Variants in CSNK1A1 observed in about 807,000 individuals in gnomAD.
CSNK1A1 encodes casein kinase I isoform alpha.
CSNK1A1 carries 7 observed loss-of-function variants against 46.1 expected under a neutral mutation model. The observed-to-expected ratio is 0.15, with a 90% CI of 0.09 to 0.29. CSNK1A1 has a LOEUF of 0.29. Among genes scored for constraint, CSNK1A1 ranks in the 10% least tolerant of loss-of-function variants. The pLI, the probability that CSNK1A1 is intolerant of heterozygous loss-of-function variation, is 1.00. For synonymous variants in CSNK1A1, 137 were observed against 141.5 expected, an observed-to-expected ratio of 0.97 and a Z score of 0.23; for missense variants, 96 against 417.1, an observed-to-expected ratio of 0.23 and a Z score of 6.71.
Position 149,494,115 on chromosome 5 carries a change from TTTTG to T in CSNK1A1, c.*2734_*2737del, listed in dbSNP as rs1356262951. 3 of 152,214 alleles carry T rather than the reference TTTTG, an allele frequency of 2.0e-5. No homozygotes were observed. Among genetic ancestry groups the T allele is most frequent in the African/African-American group, 7.2e-5 (3 of 41,440 alleles). The allele number at this position is 152,214 out of a possible 1,614,324, so 9.4% of individuals were successfully genotyped here. ...CTCATTGTCTTGGGTTCTAAAGTCC[TTTTG>T]TTTGATTATTTTTATTATAATGAAA... On this transcript the variant is annotated 3_prime_UTR_variant, in exon 10 of 10. Coordinates refer to ENST00000377843, the MANE Select transcript of CSNK1A1 (RefSeq NM_001892.6).
In CSNK1A1 at chr5:149,504,783, G is replaced by A. The variant is rs540484492; in HGVS notation, c.1006+664C>T. ...AAATCAAGCCAAAAACAAAGAAATC[G>A]TTTTGAAATTAAGATCATACGTAAA... is the stretch of plus-strand genomic sequence containing the variant. On this transcript the variant is annotated intron_variant, in intron 9 of 9. Transcript: ENST00000377843. The A allele has an allele frequency of 9.1e-6, 9 of 985,272 alleles. No individual in the cohort carries two copies. In the South Asian group the frequency reaches 2.3e-4, roughly 26 times the overall value. 61.0% of individuals were successfully genotyped at this position (985,272 alleles called of 1,614,324 possible). A position where few individuals can be genotyped will look rare whatever the true frequency, so the allele number is the denominator to read the frequency against.
At position 149,497,879 on chromosome 5, in the gene CSNK1A1, G is replaced by A. The variant is rs1760703469; in HGVS notation, c.1007-1019C>T. On this transcript the variant is annotated intron_variant, in intron 9 of 9. Coordinates refer to ENST00000377843, the MANE Select transcript of CSNK1A1 (RefSeq NM_001892.6). ...GAGACAGTCTCGCTCTGTCACCCAG[G>A]CTGGAGGGCAGTGGCATGATCTTGG... 5 of 957,262 alleles carry A rather than the reference G, an allele frequency of 5.2e-6. No individual in the cohort carries two copies. The South Asian group carries it at 2.4e-4, about 46-fold the overall frequency. The allele number at this position is 957,262 out of a possible 1,614,324, so 59.3% of individuals were successfully genotyped here. A position where few individuals can be genotyped will look rare whatever the true frequency, so the allele number is the denominator to read the frequency against.
chr5:149,517,854 CT>C lies in CSNK1A1; in HGVS notation c.456+2435del. On this transcript the variant is annotated intron_variant, in intron 4 of 9. Transcript: ENST00000377843. This position sits in a 1 kb window ranked among gnomAD's most constrained non-coding sequence, Gnocchi z 4.4. ...TACTAACAGTCATGCTTCTTTTCCT[CT>C]TCCCCACTGGAGATTCTAAACACTA... 6.2e-7 allele frequency: 1 copy of C among 1,603,398 alleles called. No individual in the cohort carries two copies. Among genetic ancestry groups the C allele is most frequent in the Non-Finnish European group, 8.5e-7 (1 of 1,174,106 alleles).
At chr5:149,549,405 C>T in intron 2 of CSNK1A1, 1 of 695,020 alleles carries the variant, frequency 1.4e-6, no homozygotes, top group Non-Finnish European at 2.6e-6. Flanking sequence ...GTCACATCTG[C>T]TGCAGAGATC....
intron 9 of CSNK1A1, chr5:149,503,173 T>A (rs1760926516): frequency 1.0e-6 from 1 of 985,320 alleles, no homozygotes. Context: ...GAGCAATTGT[T>A]TTCAAACTCC....
intron 9 of CSNK1A1, chr5:149,503,549 G>A: frequency 9.1e-6 from 9 of 984,718 alleles, no homozygotes; most frequent in Non-Finnish European, 1.1e-5. Flanking sequence ...TATGACCATT[G>A]TCTCTAATGT....
intron 3 of CSNK1A1, among the ~76,000 whole-genome samples, chr5:149,523,778 G>T (rs893647408): frequency 2.6e-5 from 4 of 152,122 alleles, no homozygotes; most frequent in African/African-American, 9.7e-5. Flanking sequence ...GGGTAGTTGG[G>T]ATATCCATTA....
At chr5:149,514,554 G>C (rs1253339251) in intron 4 of CSNK1A1, among the ~76,000 whole-genome samples, 1 of 152,052 alleles carries the variant, frequency 6.6e-6, no homozygotes, top group Non-Finnish European at 1.5e-5. Flanking sequence ...AAATTTTGTA[G>C]TTCTTCTCTC....
intron 2 of CSNK1A1, among the ~76,000 whole-genome samples, chr5:149,534,399 G>A (rs1368076555): frequency 6.9e-6 from 1 of 145,912 alleles, no homozygotes; most frequent in Non-Finnish European, 1.5e-5. Context: ...CAGAAGAATT[G>A]CTTGAACCCG....
At chr5:149,509,996 T>C (rs945565284) in intron 6 of CSNK1A1, 43 bp from the exon 7 acceptor site, 33 of 1,374,174 alleles carry the variant, frequency 2.4e-5, no homozygotes, top group Non-Finnish European at 3.1e-5. Context: ...TCAGTGCTAC[T>C]GAGAAGAACC....
At chr5:149,523,748 A>G (rs777568911) in intron 3 of CSNK1A1, among the ~76,000 whole-genome samples, 5 of 152,226 alleles carry the variant, frequency 3.3e-5, no homozygotes, top group African/African-American at 7.2e-5. Context: ...ACATGTATAC[A>G]ATGTGTAATT....
intron 2 of CSNK1A1, among the ~76,000 whole-genome samples, chr5:149,530,195 C>T (rs1412954618): frequency 6.6e-6 from 1 of 152,118 alleles, no homozygotes; most frequent in Non-Finnish European, 1.5e-5. Context: ...CCAGCATACA[C>T]AAGAGATGCT....
chr5:149,531,000 A>G (rs1416301610), intron 2 of CSNK1A1, among the ~76,000 whole-genome samples: 1 of 151,108 alleles, frequency 6.6e-6, no homozygotes, highest in African/African-American at 2.4e-5. Flanking sequence ...CAAAAAAAAA[A>G]AGTTTCAGCT....
chr5:149,538,014 GTTT>G (rs890909710), intron 2 of CSNK1A1, among the ~76,000 whole-genome samples: 1 of 85,726 alleles, frequency 1.2e-5, no homozygotes, highest in African/African-American at 5.2e-5. Context: ...AGTGTGCCCA[GTTT>G]TTTTTTTTTT....
At position 149,550,770 on chromosome 5, in the gene CSNK1A1, G is replaced by A. The variant is rs190223647; in HGVS notation, c.123+72C>T. 1.2e-6 allele frequency: 2 copies of A among 1,602,216 alleles called. No individual in the cohort carries two copies. The highest frequency in any genetic ancestry group is 1.1e-5 in the South Asian group (1 of 89,910). The stretch of plus-strand genomic sequence containing the variant: ...GATGAGGAGAGGCCCGAGCACTTTG[G>A]GGGTGCACGGTGGTGGTGGGGGGAA... On this transcript the variant is annotated intron_variant, in intron 1 of 9. Coordinates refer to ENST00000377843, the MANE Select transcript of CSNK1A1 (RefSeq NM_001892.6). This position sits in a 1 kb window ranked among gnomAD's most constrained non-coding sequence, Gnocchi z 4.3.
chr5:149,501,898 CTT>C (rs1760870178), intron 9 of CSNK1A1: 2 of 962,170 alleles, frequency 2.1e-6, no homozygotes, highest in Non-Finnish European at 2.5e-6. Context: ...GGGTGTGAAT[CTT>C]ATGTATTTTT....
chr5:149,546,718 G>A (rs894327846), intron 2 of CSNK1A1, among the ~76,000 whole-genome samples: 2 of 151,484 alleles, frequency 1.3e-5, no homozygotes, highest in Non-Finnish European at 2.9e-5. Context: ...GAAGGATAAA[G>A]GCAGCAAAAT....
chr5:149,505,713 T>TG, intron 8 of CSNK1A1, 118 bp from the exon 9 acceptor site: 1 of 789,554 alleles, frequency 1.3e-6, no homozygotes, highest in South Asian at 2.0e-5. Flanking sequence ...TCCTCAAGTG[T>TG]GGCAGCTTCT....
At chr5:149,537,671 T>C (rs543013118) in intron 2 of CSNK1A1, among the ~76,000 whole-genome samples, 26 of 151,588 alleles carry the variant, frequency 1.7e-4, no homozygotes, top group African/African-American at 6.3e-4. Context: ...GGTAGAGCAG[T>C]GTAACCTGAA....
Sources: gnomAD v4.1 joint callset for allele counts (sites outside exome capture counted in the v4.1 genomes callset) on GRCh38, gnomAD v4.1.1 for gene constraint, Gnocchi (gnomAD v3.1) non-coding constraint, MANE v1.5 for transcripts, NCBI Gene and HGNC (gene_info 2026-07-23, HGNC 2026-07-21) for gene names.